The following KLHDC8A variants were observed in gnomAD, a reference collection of about 807,000 sequenced individuals.
KLHDC8A encodes the protein kelch domain containing 8A.
KLHDC8A carries 21 observed loss-of-function variants against 33.1 expected under a neutral mutation model. The observed-to-expected ratio is 0.64, with a 90% confidence interval of 0.45 to 0.91. KLHDC8A has a LOEUF of 0.91. Among genes scored for constraint, KLHDC8A ranks in the 40% least tolerant of loss-of-function variants. The pLI is 0.00. For missense variants in KLHDC8A, 435 were observed against 483.3 expected, an observed-to-expected ratio of 0.90 and a Z score of 0.94; for synonymous variants, 173 against 193.5, an observed-to-expected ratio of 0.89 and a Z score of 0.88.
Position 205,339,206 on chromosome 1 carries a change from C to G in KLHDC8A, c.745G>C (p.Asp249His), listed in dbSNP as rs762487234. The change falls in exon 4 of 6, where the codon GAC (aspartate) becomes CAC (histidine). Residue 249 changes from aspartate (D) to histidine (H), a missense_variant. Asp to His is a moderately conservative substitution (Grantham distance 81, BLOSUM62 -1). Coordinates refer to ENST00000367155, the MANE Select transcript of KLHDC8A (RefSeq NM_018203.3). The surrounding 1 kb of genome is among the most constrained non-coding windows in gnomAD (Gnocchi z 5.1). ...PKFLRTMDVF[D>H]MEQGGWLKME... ...GTGACCAGCTCACCCTGTTCCATGT[C>G]GAACACGTCCATCGTCCGCAGGAAC... 5 of 1,613,820 alleles carry G rather than the reference C, an allele frequency of 3.1e-6. No homozygotes were observed. Among genetic ancestry groups the G allele is most frequent in the Non-Finnish European group, 3.4e-6 (4 of 1,179,916 alleles).
chr1:205,339,528 G>T lies in KLHDC8A; in HGVS notation c.541+116C>A. ...CATACAGGAAGCTCCCGGTGGGCTG[G>T]GCAGTGTGATTATCCCCAGTGCCGA... On this transcript the variant is annotated intron_variant, in intron 3 of 5. Coordinates refer to ENST00000367155, the MANE Select transcript of KLHDC8A (RefSeq NM_018203.3). This position sits in a 1 kb window ranked among gnomAD's most constrained non-coding sequence, Gnocchi z 5.1. 7.0e-7 allele frequency: 1 copy of T among 1,428,272 alleles called. No homozygotes were observed. The highest frequency in any genetic ancestry group is 9.7e-7 in the Non-Finnish European group (1 of 1,031,780). 88.5% of individuals were successfully genotyped at this position (1,428,272 alleles called of 1,614,324 possible).
chr1:205,341,085 C>A (rs1432208230), intron 2 of KLHDC8A, among the ~76,000 whole-genome samples: 1 of 152,158 alleles, frequency 6.6e-6, no homozygotes, highest in Non-Finnish European at 1.5e-5. Context: ...AGCTGGGATA[C>A]TTTGAGAAGT....
chr1:205,337,369 C>T lies in KLHDC8A; in HGVS notation c.*30G>A. On this transcript the variant is annotated 3_prime_UTR_variant, in exon 6 of 6. Coordinates refer to ENST00000367155, the MANE Select transcript of KLHDC8A (RefSeq NM_018203.3). ...CATGTTAAGAGTGAAGTGATATGGT[C>T]CAGGGCAAAGGTACTGAGCCCAGAG... is the stretch of plus-strand genomic sequence containing the variant. The T allele has an allele frequency of 6.4e-7, 1 of 1,559,032 alleles. No homozygotes were observed. The highest frequency in any genetic ancestry group is 1.1e-5 in the South Asian group (1 of 89,878).
intron 1 of KLHDC8A, among the ~76,000 whole-genome samples, chr1:205,350,011 C>T (rs773112684): frequency 8.5e-5 from 13 of 152,124 alleles, no homozygotes; most frequent in Admixed American, 5.2e-4. Context: ...GCTATACAGG[C>T]GGGGAGCCCT....
chr1:205,340,004 CT>C (rs776512752), intron 2 of KLHDC8A, 196 bp from the exon 3 acceptor site: 133 of 394,992 alleles, frequency 3.4e-4, no homozygotes, highest in Middle Eastern at 1.3e-3. Context: ...GAGTCTGTTT[CT>C]TTTTTTTTAT....
At chr1:205,356,091 C>T (rs141567287) in intron 1 of KLHDC8A, among the ~76,000 whole-genome samples, 2 of 152,024 alleles carry the variant, frequency 1.3e-5, no homozygotes, top group African/African-American at 2.4e-5. Flanking sequence ...CCCTCCCCCC[C>T]TCCCTCCTTT....
intron 1 of KLHDC8A, among the ~76,000 whole-genome samples, chr1:205,352,321 G>A (rs1468058803): frequency 6.6e-6 from 1 of 152,102 alleles, no homozygotes; most frequent in African/African-American, 2.4e-5. Flanking sequence ...TACAGAGGTA[G>A]GGAGTGGCTT....
At chr1:205,350,099 G>A (rs4951202) in intron 1 of KLHDC8A, among the ~76,000 whole-genome samples, 86,350 of 152,064 alleles carry the variant, frequency 0.57, 24,969 homozygotes, top group South Asian at 0.71. Context: ...CAGGTGATAC[G>A]ATCGCAGAGG....
chr1:205,343,684 G>A lies in KLHDC8A; in HGVS notation c.-80C>T, dbSNP rs1012803259. ...CGGCTACTTGGCGCCGGCTCCCACG[G>A]CCCCTATCGCCACCTCCATCTGGCT... On this transcript the variant is annotated 5_prime_UTR_variant, in exon 2 of 6. Coordinates refer to ENST00000367155, the MANE Select transcript of KLHDC8A (RefSeq NM_018203.3). The A allele has an allele frequency of 5.7e-6, 8 of 1,409,108 alleles. No homozygotes were observed. In the African/African-American group the frequency reaches 7.1e-5, roughly 13 times the overall value. 87.3% of individuals were successfully genotyped at this position (1,409,108 alleles called of 1,614,324 possible).
At chr1:205,346,551 G>A (rs1455682351) in intron 1 of KLHDC8A, among the ~76,000 whole-genome samples, 1 of 151,896 alleles carries the variant, frequency 6.6e-6, no homozygotes, top group African/African-American at 2.4e-5. Flanking sequence ...GATCATCTAA[G>A]CCCTTGCACG....
intron 1 of KLHDC8A, among the ~76,000 whole-genome samples, chr1:205,349,479 T>C (rs1337124026): frequency 6.6e-6 from 1 of 152,092 alleles, no homozygotes; most frequent in Admixed American, 6.5e-5. Flanking sequence ...AGATATGGGA[T>C]GATGGGTAAA....
intron 2 of KLHDC8A, among the ~76,000 whole-genome samples, chr1:205,341,742 C>T (rs994356204): frequency 6.6e-6 from 1 of 152,130 alleles, no homozygotes; most frequent in African/African-American, 2.4e-5. Flanking sequence ...GCTCTGCCTC[C>T]CAGGTTCACG....
At chr1:205,351,190 C>T in intron 1 of KLHDC8A, 1 of 754,026 alleles carries the variant, frequency 1.3e-6, no homozygotes. Context: ...TTTATTTGAT[C>T]ATCACTGCTC....
intron 2 of KLHDC8A, among the ~76,000 whole-genome samples, chr1:205,342,641 T>A (rs555482934): frequency 6.6e-6 from 1 of 152,306 alleles, no homozygotes. Context: ...CTCAGGTGTG[T>A]CTGAACTTGG....
chr1:205,339,633 C>G lies in KLHDC8A; in HGVS notation c.541+11G>C, dbSNP rs749809249. ...AAGGAGGGTAGGTATAGAACAGTAA[C>G]CTGTCCTTACCCAGCACGTAGATCT... is the stretch of plus-strand genomic sequence containing the variant. On this transcript the variant is annotated intron_variant, in intron 3 of 5. Coordinates refer to ENST00000367155, the MANE Select transcript of KLHDC8A (RefSeq NM_018203.3). The surrounding 1 kb of genome is among the most constrained non-coding windows in gnomAD (Gnocchi z 5.1). 1.9e-6 allele frequency: 3 copies of G among 1,613,770 alleles called. No individual in the cohort carries two copies. The highest frequency in any genetic ancestry group is 2.5e-6 in the Non-Finnish European group (3 of 1,179,812).
intron 4 of KLHDC8A, 42 bp from the exon 5 acceptor site, chr1:205,338,638 G>A (rs1444742655): frequency 6.7e-7 from 1 of 1,502,600 alleles, no homozygotes; most frequent in South Asian, 1.1e-5. Flanking sequence ...GACAGAATAA[G>A]ATACAGACCA....
intron 1 of KLHDC8A, among the ~76,000 whole-genome samples, chr1:205,350,114 GC>G (rs953889010): frequency 4.6e-5 from 7 of 152,254 alleles, no homozygotes; most frequent in African/African-American, 1.7e-4. Context: ...CAGAGGTCTG[GC>G]CCCACCAGCT....
At position 205,350,519 on chromosome 1, in the gene KLHDC8A, T is replaced by G. The variant is rs548767703; in HGVS notation, c.-190+6014A>C. Among the ~76,000 whole-genome samples, 8 of 152,220 alleles carry G rather than the reference T, an allele frequency of 5.3e-5. No individual in the cohort carries two copies. The East Asian group carries it at 1.4e-3, about 26-fold the overall frequency. On this transcript the variant is annotated intron_variant, in intron 1 of 5. Coordinates refer to ENST00000367155, the MANE Select transcript of KLHDC8A (RefSeq NM_018203.3). ...CAAGTAGAGGACAGCAGAGCCTTTA[T>G]GAGGGCAGCTCTGCAGAGGAGAAAA...
At chr1:205,345,945 A>G (rs1232249510) in intron 1 of KLHDC8A, among the ~76,000 whole-genome samples, 1 of 152,160 alleles carries the variant, frequency 6.6e-6, no homozygotes, top group African/African-American at 2.4e-5. Context: ...GCCGTGATGC[A>G]TGCCTGTAAT....
Sources: allele counts gnomAD v4.1 joint callset (sites outside exome capture counted in the v4.1 genomes callset), GRCh38; gene constraint gnomAD v4.1.1; non-coding constraint Gnocchi (gnomAD v3.1); transcripts MANE v1.5; gene names NCBI Gene and HGNC (gene_info 2026-07-23, HGNC 2026-07-21).